Variants in LCORL observed in about 807,000 individuals in gnomAD.
LCORL encodes the protein ligand dependent nuclear receptor corepressor like.
In LCORL, 41 loss-of-function variants were observed where a neutral mutation model predicts 141.8. The ratio of observed to expected loss-of-function variants is 0.29; its 90% confidence interval spans 0.23 to 0.38. The LOEUF (loss-of-function observed/expected upper bound fraction) is 0.38. LCORL is among the 10% of genes least tolerant of loss of function. The probability of loss-of-function intolerance (pLI) is 1.00; values close to 1 mark genes in which losing one functional copy is unlikely to be tolerated. For missense variants in LCORL, 1,759 were observed against 2,035.0 expected (o/e 0.86, Z 2.61); for synonymous variants, 618 against 694.1 (o/e 0.89, Z 1.72).
At chr4:18,008,494 T>C (rs995881941) in intron 1 of LCORL, among the ~76,000 whole-genome samples, 31 of 152,212 alleles carry the variant, frequency 2.0e-4, no homozygotes, top group African/African-American at 7.0e-4. Flanking sequence ...GACTTGCTAA[T>C]TTTTAAATGA....
rs546834315 is a variant in LCORL at position 17,950,334 on chromosome 4, T to C, written c.430+11569A>G. 5.9e-5 allele frequency among the ~76,000 whole-genome samples: 9 copies of C among 152,298 alleles called. No individual in the cohort carries two copies. In the South Asian group the frequency reaches 6.2e-4, roughly 11 times the overall value. ...AATAGAACATGCTTATGTATATCTC[T>C]TTCTGGTTAACATTATTTCTGAAGA... is the stretch of plus-strand genomic sequence containing the variant. On this transcript the variant is annotated intron_variant, in intron 4 of 7. Transcript: ENST00000635767.
At chr4:17,868,282 G>A (rs1336215291) in intron 7 of LCORL, among the ~76,000 whole-genome samples, 1 of 151,940 alleles carries the variant, frequency 6.6e-6, no homozygotes, top group Admixed American at 6.6e-5. Context: ...TATTTTTGAC[G>A]ACAGATGGCA....
Position 17,884,651 on chromosome 4 carries a change from T to C in LCORL, c.776+1417A>G. Reference sequence around the variant, plus strand: ...ATAAAGTATGCCTGCTTTATTTATGTCCAGTGCTCCAGACTGAATGTCTTT... The same window carrying C: ...ATAAAGTATGCCTGCTTTATTTATGCCCAGTGCTCCAGACTGAATGTCTTT... On this transcript the variant is annotated intron_variant, in intron 6 of 7. Coordinates refer to ENST00000635767, the Ensembl canonical transcript of LCORL. This position sits in a 1 kb window ranked among gnomAD's most constrained non-coding sequence, Gnocchi z 4.4. 1.3e-6 allele frequency: 2 copies of C among 1,544,968 alleles called. No individual in the cohort carries two copies. Among genetic ancestry groups the C allele is most frequent in the Non-Finnish European group, 1.7e-6 (2 of 1,144,650 alleles).
intron 4 of LCORL, among the ~76,000 whole-genome samples, chr4:17,932,229 G>GT (rs762128113): frequency 7.9e-5 from 12 of 152,092 alleles, no homozygotes; most frequent in Admixed American, 3.9e-4. Flanking sequence ...CTGGACATCT[G>GT]TTTAACAGGG....
intron 4 of LCORL, chr4:17,912,557 G>A (rs568177836): frequency 1.5e-5 from 7 of 455,514 alleles, no homozygotes; most frequent in Middle Eastern, 1.4e-3. Flanking sequence ...ACAGTCTGCC[G>A]GAATTGGAGC....
intron 1 of LCORL, among the ~76,000 whole-genome samples, chr4:17,993,567 G>T (rs1019827632): frequency 2.6e-5 from 4 of 152,122 alleles, no homozygotes; most frequent in Non-Finnish European, 5.9e-5. Flanking sequence ...TAAAGAATGT[G>T]ATATGAAAGG....
intron 1 of LCORL, among the ~76,000 whole-genome samples, chr4:17,998,534 A>G (rs535638716): frequency 1.3e-5 from 2 of 152,230 alleles, no homozygotes; most frequent in South Asian, 2.1e-4. Context: ...CAATATTACT[A>G]TCTTCCACCT....
chr4:17,995,844 G>C (rs879160348), intron 1 of LCORL, among the ~76,000 whole-genome samples: 1 of 152,068 alleles, frequency 6.6e-6, no homozygotes, highest in Admixed American at 6.6e-5. Context: ...TGAAGACTCA[G>C]GTTGGAGTCC....
chr4:17,913,679 A>G (rs191453678), intron 4 of LCORL, among the ~76,000 whole-genome samples: 5 of 152,338 alleles, frequency 3.3e-5, no homozygotes, highest in Admixed American at 2.6e-4. Flanking sequence ...TCCCTTCATC[A>G]AACAAGGGCA....
chr4:17,937,044 A>T (rs1736981186), intron 4 of LCORL, among the ~76,000 whole-genome samples: 1 of 152,210 alleles, frequency 6.6e-6, no homozygotes, highest in African/African-American at 2.4e-5. Context: ...GGGCTAAAAA[A>T]TTTATAAAAT....
intron 5 of LCORL, among the ~76,000 whole-genome samples, chr4:17,905,919 G>A (rs1322289386): frequency 2.0e-5 from 3 of 152,108 alleles, no homozygotes; most frequent in African/African-American, 7.2e-5. Flanking sequence ...TAAAAACAGT[G>A]AAATCAGGCC....
At chr4:17,911,328 C>T (rs58011122) in intron 4 of LCORL, among the ~76,000 whole-genome samples, 6,774 of 151,998 alleles carry the variant, frequency 0.045, 485 homozygotes, top group African/African-American at 0.16. Flanking sequence ...TCATGGAAAA[C>T]GCATATTATA....
chr4:17,988,760 G>A (rs1055721300), intron 1 of LCORL, among the ~76,000 whole-genome samples: 2 of 152,260 alleles, frequency 1.3e-5, no homozygotes, highest in East Asian at 1.9e-4. Flanking sequence ...CAAGGCAGGT[G>A]GATCACTTGA....
intron 1 of LCORL, among the ~76,000 whole-genome samples, chr4:17,982,099 CGTGTGTGTGTGT>C (rs57094203): frequency 0.013 from 1,838 of 136,578 alleles, 20 homozygotes; most frequent in African/African-American, 0.018. Context: ...AGTATTCCAT[CGTGTGTGTGTGT>C]GTGTGTGTGT....
At chr4:17,924,365 A>G (rs1225696158) in intron 4 of LCORL, among the ~76,000 whole-genome samples, 1 of 152,120 alleles carries the variant, frequency 6.6e-6, no homozygotes, top group African/African-American at 2.4e-5. Context: ...GAGGTTACAC[A>G]TGGGTTTAGC....
At chr4:17,971,810 T>G (rs1577592120) in intron 2 of LCORL, among the ~76,000 whole-genome samples, 1 of 151,676 alleles carries the variant, frequency 6.6e-6, no homozygotes, top group Non-Finnish European at 1.5e-5. Flanking sequence ...AAGCAGTATG[T>G]AACACTTTGG....
At chr4:17,883,714 A>C (rs770367167) in intron 6 of LCORL, 93 of 1,514,178 alleles carry the variant, frequency 6.1e-5, no homozygotes, top group Non-Finnish European at 7.8e-5. Flanking sequence ...TTTCCTAACA[A>C]GTAATCTACA....
chr4:18,021,270 G>GGGCGACGGCGGGC lies in LCORL; in HGVS notation c.154+315_154+327dup, dbSNP rs1429997642. Among the ~76,000 whole-genome samples, 1 of 152,154 alleles carries GGGCGACGGCGGGC rather than the reference G, an allele frequency of 6.6e-6. No homozygotes were observed. The highest frequency in any genetic ancestry group is 2.4e-5 in the African/African-American group (1 of 41,438). On this transcript the variant is annotated intron_variant, in intron 1 of 7. Transcript: ENST00000635767. This position sits in a 1 kb window ranked among gnomAD's most constrained non-coding sequence, Gnocchi z 5.5. ...CCTCCGTCCTGTCAGGGTGGACGGC[G>GGGCGACGGCGGGC]GGCGACGGCGGGCAGCGACGGGCGC...
chr4:17,842,336 A>G, exon 8 of LCORL: 1 of 1,612,228 alleles, frequency 6.2e-7, no homozygotes, highest in Non-Finnish European at 8.5e-7. Context: ...AGTTTCAGCT[A>G]GGACGAACAG....
Sources: allele counts gnomAD v4.1 joint callset (sites outside exome capture counted in the v4.1 genomes callset), GRCh38; gene constraint gnomAD v4.1.1; non-coding constraint Gnocchi (gnomAD v3.1); transcripts MANE v1.5; gene names NCBI Gene and HGNC (gene_info 2026-07-23, HGNC 2026-07-21).